The following C12orf42 variants were observed in gnomAD, a reference collection of about 807,000 sequenced individuals.
C12orf42 encodes the protein uncharacterized protein C12orf42.
A neutral mutation model predicts 21.6 loss-of-function variants in C12orf42; 25 were observed. The observed-to-expected ratio is 1.16, with a 90% CI of 0.84 to 1.62. The LOEUF (loss-of-function observed/expected upper bound fraction) is 1.62. C12orf42 is among the 40% of genes most tolerant of loss of function. C12orf42 has a pLI of 0.00. For synonymous variants in C12orf42, 174 were observed against 175.0 expected (o/e 0.99, Z 0.05); for missense variants, 483 against 459.3 (o/e 1.05, Z -0.47).
intron 4 of C12orf42, among the ~76,000 whole-genome samples, chr12:103,355,779 A>C (rs1432559839): frequency 6.6e-6 from 1 of 152,074 alleles, no homozygotes; most frequent in Non-Finnish European, 1.5e-5. Context: ...CTGTTAAATC[A>C]AATAGGCATT....
chr12:103,181,225 G>A, the C12orf42 span, among the ~76,000 whole-genome samples: 1 of 151,782 alleles, frequency 6.6e-6, no homozygotes, highest in Non-Finnish European at 1.5e-5. Flanking sequence ...ATGTGCTACT[G>A]CACACCAGCC....
At chr12:103,533,964 G>A in the C12orf42 span, among the ~76,000 whole-genome samples, 14 of 151,968 alleles carry the variant, frequency 9.2e-5, no homozygotes, top group Non-Finnish European at 1.5e-4. Flanking sequence ...TGCAAAATGG[G>A]GATAATACAG....
At chr12:103,408,071 A>G (rs1007115089) in intron 2 of C12orf42, among the ~76,000 whole-genome samples, 1 of 152,166 alleles carries the variant, frequency 6.6e-6, no homozygotes, top group Non-Finnish European at 1.5e-5. Flanking sequence ...CATTAAATGC[A>G]CCAAAATTTT....
intron 2 of C12orf42, among the ~76,000 whole-genome samples, chr12:103,463,969 A>G (rs987491508): frequency 1.3e-5 from 2 of 152,084 alleles, no homozygotes; most frequent in Non-Finnish European, 2.9e-5. Flanking sequence ...TTACCCAGTC[A>G]ATCATTGATG....
the C12orf42 span, chr12:103,549,012 T>A: frequency 1.3e-5 from 2 of 152,230 alleles, no homozygotes; most frequent in Admixed American, 1.3e-4. Context: ...TGTCAATTCA[T>A]CCATAAACTT....
At chr12:103,236,355 T>TGACTTGAAAAAC (rs1353968702), downstream of C12orf42, among the ~76,000 whole-genome samples, 4 of 152,118 alleles carry the variant, frequency 2.6e-5, no homozygotes, top group Non-Finnish European at 5.9e-5. Context: ...ACTTGAAAAA[T>TGACTTGAAAAAC]GACTTGAAAA....
chr12:103,300,737 G>A (rs1167753583), downstream of C12orf42, among the ~76,000 whole-genome samples: 1 of 152,152 alleles, frequency 6.6e-6, no homozygotes, highest in African/African-American at 2.4e-5. Context: ...CCATGAGTTT[G>A]CCTAACACAT....
At chr12:103,148,285 ACT>A in the C12orf42 span, among the ~76,000 whole-genome samples, 3 of 152,144 alleles carry the variant, frequency 2.0e-5, no homozygotes, top group East Asian at 5.8e-4. Context: ...TATATTTCTC[ACT>A]CTATGATTCT....
At chr12:103,175,424 G>C in the C12orf42 span, among the ~76,000 whole-genome samples, 1 of 152,130 alleles carries the variant, frequency 6.6e-6, no homozygotes, top group Non-Finnish European at 1.5e-5. Context: ...ACAAGAAAAT[G>C]TTGCAAAGCT....
the C12orf42 span, among the ~76,000 whole-genome samples, chr12:103,065,687 G>A: frequency 4.6e-5 from 7 of 152,170 alleles, 1 homozygote; most frequent in South Asian, 4.1e-4. Flanking sequence ...TTCTACCTTC[G>A]TAAAATTTCT....
chr12:103,193,344 G>A, the C12orf42 span, among the ~76,000 whole-genome samples: 1 of 148,414 alleles, frequency 6.7e-6, no homozygotes, highest in South Asian at 2.1e-4. Context: ...CTAGAAAAAA[G>A]AAGAAAAAAC....
chr12:103,056,754 T>C, the C12orf42 span, among the ~76,000 whole-genome samples: 3 of 152,156 alleles, frequency 2.0e-5, no homozygotes, highest in African/African-American at 7.2e-5. Flanking sequence ...CCGTTGAGTT[T>C]TTCAAAAGTT....
At chr12:103,310,016 G>A (rs2038809690) in intron 4 of C12orf42, among the ~76,000 whole-genome samples, 1 of 152,222 alleles carries the variant, frequency 6.6e-6, no homozygotes, top group African/African-American at 2.4e-5. Context: ...ATGAGAGAAT[G>A]TGGGTCCACT....
the C12orf42 span, among the ~76,000 whole-genome samples, chr12:103,076,652 C>T: frequency 5.9e-5 from 9 of 152,156 alleles, no homozygotes; most frequent in African/African-American, 2.2e-4. Flanking sequence ...AAATATCTAA[C>T]TGAAACTATT....
chr12:103,347,960 T>A (rs192392552), intron 4 of C12orf42, among the ~76,000 whole-genome samples: 343 of 152,244 alleles, frequency 2.3e-3, no homozygotes, highest in Middle Eastern at 3.4e-3. Context: ...ATCAAAAAAA[T>A]TGATGTAATG....
chr12:103,404,933 C>T (rs1697898444), intron 2 of C12orf42, among the ~76,000 whole-genome samples: 1 of 152,220 alleles, frequency 6.6e-6, no homozygotes, highest in Non-Finnish European at 1.5e-5. Flanking sequence ...CGCATTTATA[C>T]ACTTGAACCA....
At chr12:103,448,463 T>A (rs1565845356) in intron 2 of C12orf42, among the ~76,000 whole-genome samples, 2 of 152,038 alleles carry the variant, frequency 1.3e-5, no homozygotes, top group Non-Finnish European at 2.9e-5. Context: ...CTAAAAAGCT[T>A]CTGCAGAGCA....
chr12:103,456,536 C>T (rs945452441), intron 2 of C12orf42, among the ~76,000 whole-genome samples: 1 of 152,174 alleles, frequency 6.6e-6, no homozygotes, highest in Non-Finnish European at 1.5e-5. Context: ...ACATTTGCTG[C>T]ACCAGGAAAA....
chr12:103,153,028 C>T, the C12orf42 span, among the ~76,000 whole-genome samples: 1 of 151,768 alleles, frequency 6.6e-6, no homozygotes, highest in Non-Finnish European at 1.5e-5. Flanking sequence ...GCAAAAAGTC[C>T]AAAAAGAGCA....
Sources: gnomAD v4.1 joint callset for allele counts (sites outside exome capture counted in the v4.1 genomes callset) on GRCh38, gnomAD v4.1.1 for gene constraint, MANE v1.5 for transcripts, NCBI Gene and HGNC (gene_info 2026-07-23, HGNC 2026-07-21) for gene names.